The following ADAMTS12 variants were observed in gnomAD, a reference collection of about 807,000 sequenced individuals.
ADAMTS12 encodes the protein A disintegrin and metalloproteinase with thrombospondin motifs 12.
A neutral mutation model predicts 167.8 loss-of-function variants in ADAMTS12; 118 were observed. The observed-to-expected ratio is 0.70, with a 90% CI of 0.61 to 0.82. The LOEUF (loss-of-function observed/expected upper bound fraction) is 0.82. Among genes scored for constraint, ADAMTS12 ranks in the 40% least tolerant of loss-of-function variants. ADAMTS12 has a pLI of 0.00. For synonymous variants in ADAMTS12, 704 were observed against 716.9 expected (o/e 0.98, Z 0.29); for missense variants, 1,916 against 1,998.8 (o/e 0.96, Z 0.79).
At chr5:33,636,315 C>A (rs369996473) in intron 12 of ADAMTS12, among the ~76,000 whole-genome samples, 6 of 152,126 alleles carry the variant, frequency 3.9e-5, no homozygotes, top group African/African-American at 1.4e-4. Context: ...ATCAAGAATG[C>A]GCAGGATATA....
chr5:33,592,049 C>T lies in ADAMTS12; in HGVS notation c.2655-3240G>A, dbSNP rs190223741. ...CAGCCTGACCAAAATGGAGAAACCC[C>T]GTCTCTACTAAAAAAAAAAGAATAC... is the stretch of plus-strand genomic sequence containing the variant. On this transcript the variant is annotated intron_variant, in intron 17 of 23. Transcript: ENST00000504830. Among the ~76,000 whole-genome samples, 39 of 151,834 alleles carry T rather than the reference C, an allele frequency of 2.6e-4. No homozygotes were observed. In the East Asian group the frequency reaches 7.2e-3, roughly 28 times the overall value.
Position 33,643,487 on chromosome 5 carries a change from A to T in ADAMTS12, c.1480-17T>A. ...GCAGACGTTCTAGAAAACAAATTGC[A>T]CTTCTTTTGTATTTTCAAAACCTGC... On this transcript the variant is annotated splice_polypyrimidine_tract_variant and intron_variant, in intron 9 of 23. Transcript: ENST00000504830. The T allele has an allele frequency of 6.2e-7, 1 of 1,612,124 alleles. No homozygotes were observed. The highest frequency in any genetic ancestry group is 2.2e-5 in the East Asian group (1 of 44,818).
At chr5:33,702,580 C>T (rs974291530) in intron 3 of ADAMTS12, among the ~76,000 whole-genome samples, 2 of 152,154 alleles carry the variant, frequency 1.3e-5, no homozygotes, top group Admixed American at 1.3e-4. Flanking sequence ...AATGAACTGG[C>T]TCACCCAGTA....
chr5:33,614,208 G>T, intron 16 of ADAMTS12, 30 bp downstream of exon 16: 1 of 1,608,624 alleles, frequency 6.2e-7, no homozygotes, highest in Non-Finnish European at 8.5e-7. Flanking sequence ...AGGCTGGCAT[G>T]GCTTCATAGT....
intron 2 of ADAMTS12, among the ~76,000 whole-genome samples, chr5:33,788,602 C>T (rs1480392156): frequency 2.0e-5 from 3 of 152,018 alleles, no homozygotes; most frequent in African/African-American, 4.8e-5. Context: ...AGGAATAGGG[C>T]ATGATGAAGA....
chr5:33,781,686 TC>T (rs759010300), intron 2 of ADAMTS12, among the ~76,000 whole-genome samples: 16 of 149,522 alleles, frequency 1.1e-4, no homozygotes, highest in African/African-American at 4.1e-4. Context: ...ACCTGTAAAC[TC>T]TTTTTTTTTT....
At chr5:33,876,158 T>A (rs575565584) in intron 2 of ADAMTS12, among the ~76,000 whole-genome samples, 5 of 152,224 alleles carry the variant, frequency 3.3e-5, no homozygotes, top group Admixed American at 3.3e-4. Flanking sequence ...AAGATCTAAA[T>A]AAATCAAGAC....
intron 2 of ADAMTS12, among the ~76,000 whole-genome samples, chr5:33,779,365 T>C (rs1407493927): frequency 6.6e-6 from 1 of 152,054 alleles, no homozygotes; most frequent in Non-Finnish European, 1.5e-5. Flanking sequence ...TTTATATTTT[T>C]AGTAGAGACA....
intron 7 of ADAMTS12, among the ~76,000 whole-genome samples, chr5:33,656,246 C>T (rs552688934): frequency 2.6e-5 from 4 of 152,334 alleles, no homozygotes; most frequent in Admixed American, 2.6e-4. Flanking sequence ...TAATCCACCA[C>T]TCCCAATAAC....
chr5:33,576,970 AGTGTTG>A lies in ADAMTS12; in HGVS notation c.3050_3055del (p.Pro1017_Thr1018del). 1 of 1,614,130 alleles carries A rather than the reference AGTGTTG, an allele frequency of 6.2e-7. No individual in the cohort carries two copies. The highest frequency in any genetic ancestry group is 8.5e-7 in the Non-Finnish European group (1 of 1,180,032). On this transcript the variant is annotated inframe_deletion, in exon 19 of 24. Coordinates refer to ENST00000504830, the MANE Select transcript of ADAMTS12 (RefSeq NM_030955.4). Reference sequence around the variant, plus strand: ...GGATGTAGGTGGAGGGACGGGCTTTAGTGTTGGTGGGTTTTTTCCATTGGAAATAGT... The same window carrying A: ...GGATGTAGGTGGAGGGACGGGCTTTAGTGGGTTTTTTCCATTGGAAATAGT...
chr5:33,775,390 T>C (rs1745880910), intron 2 of ADAMTS12, among the ~76,000 whole-genome samples: 2 of 152,150 alleles, frequency 1.3e-5, no homozygotes, highest in African/African-American at 4.8e-5. Context: ...GTTCTTGAAC[T>C]TCACTATTTT....
chr5:33,576,130 A>G lies in ADAMTS12; in HGVS notation c.3896T>C (p.Leu1299Ser). The G allele has an allele frequency of 6.2e-7, 1 of 1,614,192 alleles. No individual in the cohort carries two copies. The highest frequency in any genetic ancestry group is 1.1e-5 in the South Asian group (1 of 91,086). The change falls in exon 19 of 24, where the codon TTG becomes TCG. Residue 1299 changes from leucine (L) to serine (S), a missense_variant. By Grantham distance (145) the Leu-to-Ser change is moderately radical. Coordinates refer to ENST00000504830, the MANE Select transcript of ADAMTS12 (RefSeq NM_030955.4). Reference sequence around the variant, plus strand: ...CTGCTTGTAATTGGAGGCATTTAGCAAAAAGCCCTCAGTAATCAGACTTGT... The same window carrying G: ...CTGCTTGTAATTGGAGGCATTTAGCGAAAAGCCCTCAGTAATCAGACTTGT... ...DATSLITEGF[L>S]LNASNYKQLT... is the part of the protein sequence containing the mutation.
intron 2 of ADAMTS12, among the ~76,000 whole-genome samples, chr5:33,855,936 T>C (rs1749385732): frequency 6.6e-6 from 1 of 152,098 alleles, no homozygotes. Flanking sequence ...CTCACTACGT[T>C]GTGTAGGTTT....
intron 2 of ADAMTS12, among the ~76,000 whole-genome samples, chr5:33,844,100 T>C (rs976182433): frequency 6.6e-6 from 1 of 152,238 alleles, no homozygotes; most frequent in African/African-American, 2.4e-5. Context: ...TGATTTCCTA[T>C]GCCTGTCTTT....
chr5:33,539,711 T>C (rs1206404107), intron 22 of ADAMTS12, among the ~76,000 whole-genome samples: 7 of 152,198 alleles, frequency 4.6e-5, no homozygotes, highest in African/African-American at 1.7e-4. Flanking sequence ...ACTGAATATT[T>C]ACAATGAGTA....
chr5:33,678,265 G>C (rs948126881), intron 5 of ADAMTS12, among the ~76,000 whole-genome samples: 12 of 152,188 alleles, frequency 7.9e-5, no homozygotes, highest in Non-Finnish European at 1.3e-4. Flanking sequence ...CATTGGCCCT[G>C]GTTCACTGAC....
At chr5:33,658,361 G>A (rs1228316718) in intron 6 of ADAMTS12, 28 bp from the exon 7 acceptor site, 23 of 1,606,056 alleles carry the variant, frequency 1.4e-5, no homozygotes, top group Non-Finnish European at 1.9e-5. Context: ...AGAAGCTAAG[G>A]CGCCCAAAGG....
intron 5 of ADAMTS12, among the ~76,000 whole-genome samples, chr5:33,678,944 C>A (rs1312149586): frequency 1.3e-5 from 2 of 152,100 alleles, no homozygotes; most frequent in Non-Finnish European, 2.9e-5. Flanking sequence ...ATGGTCAGTA[C>A]CTGATAACAG....
Position 33,728,066 on chromosome 5 carries a change from C to T in ADAMTS12, c.634+23338G>A, listed in dbSNP as rs112485707. On this transcript the variant is annotated intron_variant, in intron 3 of 23. Transcript: ENST00000504830. The stretch of plus-strand genomic sequence containing the variant: ...CAAATATATTAAACAAAAATTGGCT[C>T]ATACCCTGGAGTGTCCCTGAAATGC... 4.7e-3 allele frequency among the ~76,000 whole-genome samples: 710 copies of T among 152,288 alleles called. 5 individuals are homozygous for T. Among genetic ancestry groups the T allele is most frequent in the African/African-American group, 0.016 (679 of 41,550 alleles).
Sources: allele counts gnomAD v4.1 joint callset (sites outside exome capture counted in the v4.1 genomes callset), GRCh38; gene constraint gnomAD v4.1.1; transcripts MANE v1.5; gene names NCBI Gene and HGNC (gene_info 2026-07-23, HGNC 2026-07-21).